Variants in PDZD9 observed in about 807,000 individuals in gnomAD.
The protein encoded by PDZD9 is PDZ domain-containing protein 9.
PDZD9 carries 13 observed loss-of-function variants against 16.3 expected under a neutral mutation model. That is an observed-to-expected ratio of 0.80 (90% CI 0.52 to 1.27). PDZD9 has a LOEUF of 1.27. Among genes scored for constraint, PDZD9 ranks in the 50% most tolerant of loss-of-function variants. PDZD9 has a pLI of 0.00. For missense variants in PDZD9, 288 were observed against 310.9 expected, an observed-to-expected ratio of 0.93 and a Z score of 0.55; for synonymous variants, 120 against 111.0, an observed-to-expected ratio of 1.08 and a Z score of -0.51.
chr16:21,957,550 G>A, the PDZD9 span: 26 of 1,613,964 alleles, frequency 1.6e-5, no homozygotes, highest in Admixed American at 3.3e-5. Flanking sequence ...CATTTGCTGC[G>A]TCTTACATCC....
intron 2 of PDZD9, among the ~76,000 whole-genome samples, chr16:21,990,664 A>G (rs1252965378): frequency 6.6e-6 from 1 of 152,208 alleles, no homozygotes; most frequent in Non-Finnish European, 1.5e-5. Flanking sequence ...ACAAAACAAA[A>G]CAAAAACAAA....
At chr16:21,983,407 T>C, downstream of PDZD9, 4 of 481,032 alleles carry the variant, frequency 8.3e-6, no homozygotes, top group Non-Finnish European at 1.4e-5. Flanking sequence ...TGTGCTGATA[T>C]CTTTGTTTTA....
At chr16:21,992,253 A>T (rs1340250932) in intron 2 of PDZD9, among the ~76,000 whole-genome samples, 1 of 152,118 alleles carries the variant, frequency 6.6e-6, no homozygotes, top group Non-Finnish European at 1.5e-5. Context: ...ATAAAATTAA[A>T]AATTGGAGTT....
the PDZD9 span, among the ~76,000 whole-genome samples, chr16:21,967,747 T>TA: frequency 3.3e-5 from 5 of 152,282 alleles, no homozygotes; most frequent in South Asian, 2.1e-4. Context: ...ATTGTGATCT[T>TA]ACAGTTTCGA....
chr16:21,988,124 C>T lies in PDZD9; in HGVS notation c.401+478G>A, dbSNP rs141898454. 1.5e-3 allele frequency among the ~76,000 whole-genome samples: 220 copies of T among 150,932 alleles called. 1 individual carries two copies. The highest frequency in any genetic ancestry group is 5.2e-3 in the African/African-American group (213 of 41,156). On this transcript the variant is annotated intron_variant, in intron 3 of 3. Transcript: ENST00000424898. ...CCTGATTCGAGCGATTCTCCTGCCT[C>T]AGCCTCCCGAATAGCTGGAATTACA... is the stretch of plus-strand genomic sequence containing the variant.
chr16:21,975,973 G>A, the PDZD9 span, among the ~76,000 whole-genome samples: 1 of 152,120 alleles, frequency 6.6e-6, no homozygotes, highest in African/African-American at 2.4e-5. Context: ...CAGGAGGATT[G>A]TGTATAAACA....
the PDZD9 span, among the ~76,000 whole-genome samples, chr16:21,961,068 T>G: frequency 6.6e-6 from 1 of 152,150 alleles, no homozygotes; most frequent in African/African-American, 2.4e-5. Flanking sequence ...TGGCCTCAGG[T>G]GATCCTCTCA....
chr16:21,994,207 T>C (rs56198809), intron 2 of PDZD9, among the ~76,000 whole-genome samples: 1,540 of 152,090 alleles, frequency 0.01, 12 homozygotes, highest in Middle Eastern at 0.044. Context: ...CAAACAAACA[T>C]GCATTATTTC....
At chr16:21,980,668 A>G (rs1324133365), downstream of PDZD9, 3 of 1,614,032 alleles carry the variant, frequency 1.9e-6, no homozygotes, top group African/African-American at 4.0e-5. Context: ...CCTTCAGCAG[A>G]TTGATTCAGT....
At chr16:21,971,819 G>T in the PDZD9 span, 3 of 1,530,532 alleles carry the variant, frequency 2.0e-6, no homozygotes, top group African/African-American at 4.1e-5. Context: ...CCGAGCTGCA[G>T]AAAAGACTCG....
chr16:21,959,346 A>ACT, the PDZD9 span: 1 of 270,752 alleles, frequency 3.7e-6, no homozygotes, highest in African/African-American at 2.3e-5. Flanking sequence ...CAGTGTTCAC[A>ACT]GCATCTTCAA....
At position 21,999,594 on chromosome 16, in the gene PDZD9, A is replaced by G. The variant is rs928035767; in HGVS notation, c.31+1423T>C. The G allele has an allele frequency of 8.5e-5, 13 of 152,424 alleles. No individual in the cohort carries two copies. The East Asian group carries it at 2.1e-3, about 25-fold the overall frequency. 9.4% of individuals were successfully genotyped at this position (152,424 alleles called of 1,614,324 possible). A position where few individuals can be genotyped will look rare whatever the true frequency, so the allele number is the denominator to read the frequency against. On this transcript the variant is annotated intron_variant, in intron 1 of 3. Transcript: ENST00000424898. ...TAGTTCAGCCTCTTTGCCAACCTCA[A>G]GTCTTATCAAATCCTGATGCTGTGC...
At chr16:21,965,349 A>T in the PDZD9 span, 1 of 1,537,382 alleles carries the variant, frequency 6.5e-7, no homozygotes, top group Non-Finnish European at 9.0e-7. Context: ...TCTAGGTTTT[A>T]AAAATGTTGT....
chr16:21,965,300 A>C, the PDZD9 span: 2 of 915,148 alleles, frequency 2.2e-6, no homozygotes, highest in South Asian at 2.8e-5. Flanking sequence ...TAACATATGA[A>C]TGCCAGAAGA....
the PDZD9 span, chr16:21,973,874 G>T: frequency 6.2e-7 from 1 of 1,609,184 alleles, no homozygotes; most frequent in Non-Finnish European, 8.5e-7. Context: ...ATATCATACA[G>T]TAAAGTCTCA....
At chr16:21,975,228 G>A in the PDZD9 span, among the ~76,000 whole-genome samples, 186 of 152,252 alleles carry the variant, frequency 1.2e-3, no homozygotes, top group South Asian at 2.7e-3. Flanking sequence ...ATGATTCAGG[G>A]ATCTAGGCTC....
At chr16:21,975,563 C>G in the PDZD9 span, among the ~76,000 whole-genome samples, 1 of 152,094 alleles carries the variant, frequency 6.6e-6, no homozygotes, top group Non-Finnish European at 1.5e-5. Context: ...AAATATTTAC[C>G]AAGTACCCAC....
intron 1 of PDZD9, chr16:21,999,766 T>G (rs1899244464): frequency 6.6e-6 from 1 of 152,360 alleles, no homozygotes; most frequent in South Asian, 2.1e-4. Flanking sequence ...CTGGGCATGG[T>G]GGCTCACACC....
downstream of PDZD9, chr16:21,983,266 T>C: frequency 8.9e-7 from 1 of 1,122,394 alleles, no homozygotes; most frequent in Non-Finnish European, 1.3e-6. Flanking sequence ...ATCATTTGTC[T>C]TTTTTCCAGT....
Sources: allele counts gnomAD v4.1 joint callset (sites outside exome capture counted in the v4.1 genomes callset), GRCh38; gene constraint gnomAD v4.1.1; transcripts MANE v1.5; gene names NCBI Gene and HGNC (gene_info 2026-07-23, HGNC 2026-07-21).